KIF16B: variants seen among roughly 807,000 people sequenced by gnomAD.
KIF16B encodes the protein kinesin-like protein KIF16B.
In KIF16B, 98 loss-of-function variants were observed where a neutral mutation model predicts 156.3. The observed-to-expected ratio is 0.63, with a 90% CI of 0.53 to 0.74. KIF16B has a LOEUF of 0.74. KIF16B is among the 30% of genes least tolerant of loss of function. The pLI is 0.00. For synonymous variants in KIF16B, 564 were observed against 583.7 expected (o/e 0.97, Z 0.49); for missense variants, 1,421 against 1,606.5 (o/e 0.88, Z 1.97).
rs1044766193 is a variant in KIF16B at position 16,554,648 on chromosome 20, A to C, written c.47+18581T>G. On this transcript the variant is annotated intron_variant, in intron 1 of 25. Transcript: ENST00000354981. The stretch of plus-strand genomic sequence containing the variant: ...CAGGGCCAAAACATGTCCCTTGCTC[A>C]CCACGTTGCAGGCAACAAAAAGGAG... Among the ~76,000 whole-genome samples the C allele has an allele frequency of 3.3e-5, 5 of 152,214 alleles. No homozygotes were observed. In the East Asian group the frequency reaches 7.7e-4, roughly 23 times the overall value.
chr20:16,549,204 C>A (rs1310782752), intron 1 of KIF16B, among the ~76,000 whole-genome samples: 1 of 142,476 alleles, frequency 7.0e-6, no homozygotes, highest in African/African-American at 2.7e-5. Context: ...CCCTACCCCA[C>A]CACAGTCCCC....
intron 7 of KIF16B, among the ~76,000 whole-genome samples, 198 bp from the exon 8 acceptor site, chr20:16,506,388 T>C (rs1404783466): frequency 1.3e-5 from 2 of 152,252 alleles, no homozygotes; most frequent in Non-Finnish European, 2.9e-5. Flanking sequence ...TTACTGTATA[T>C]GATTCTTAAA....
chr20:16,366,389 G>C (rs950717976), intron 22 of KIF16B, among the ~76,000 whole-genome samples: 1 of 152,192 alleles, frequency 6.6e-6, no homozygotes, highest in Non-Finnish European at 1.5e-5. Flanking sequence ...GAGACTCTGA[G>C]ATAAAGAGAC....
chr20:16,337,424 T>C lies in KIF16B; in HGVS notation c.3622-1409A>G, dbSNP rs137971254. 2.6e-5 allele frequency among the ~76,000 whole-genome samples: 4 copies of C among 152,290 alleles called. No individual in the cohort carries two copies. In the East Asian group the frequency reaches 7.7e-4, roughly 29 times the overall value. On this transcript the variant is annotated intron_variant, in intron 23 of 25. Transcript: ENST00000354981. ...GGCAAATGAGATGATCTAGGGTGTA[T>C]GAGGATGTACATTTTTAAATTTTTC... is the stretch of plus-strand genomic sequence containing the variant.
chr20:16,572,516 G>A (rs575405587), intron 1 of KIF16B, among the ~76,000 whole-genome samples: 48 of 152,156 alleles, frequency 3.2e-4, no homozygotes, highest in Admixed American at 7.9e-4. Context: ...CTTTCTAAAC[G>A]GATTAAAAAG....
At chr20:16,564,955 T>G (rs1345717150) in intron 1 of KIF16B, among the ~76,000 whole-genome samples, 2 of 152,062 alleles carry the variant, frequency 1.3e-5, no homozygotes, top group African/African-American at 4.8e-5. Context: ...GACATTCTAC[T>G]CTCCTGCCTT....
chr20:16,393,450 G>A (rs1449115926), intron 17 of KIF16B, among the ~76,000 whole-genome samples: 1 of 152,220 alleles, frequency 6.6e-6, no homozygotes, highest in African/African-American at 2.4e-5. Flanking sequence ...AGATACGGGA[G>A]TTGCTGGTGA....
At chr20:16,468,800 G>A (rs1371764977) in intron 12 of KIF16B, among the ~76,000 whole-genome samples, 1 of 152,046 alleles carries the variant, frequency 6.6e-6, no homozygotes, top group African/African-American at 2.4e-5. Flanking sequence ...CAGAAAACCA[G>A]TAAAGACATA....
intron 20 of KIF16B, among the ~76,000 whole-genome samples, chr20:16,374,014 T>C (rs1010535570): frequency 6.6e-6 from 1 of 152,234 alleles, no homozygotes; most frequent in South Asian, 2.1e-4. Context: ...AAGGGACAAC[T>C]GTACCTGCAA....
At chr20:16,389,580 G>A (rs1056777304) in intron 17 of KIF16B, among the ~76,000 whole-genome samples, 16 of 152,114 alleles carry the variant, frequency 1.1e-4, no homozygotes, top group African/African-American at 3.9e-4. Context: ...CCATCCCCTA[G>A]GAAACTTCAG....
rs142795067 is a variant in KIF16B at position 16,410,127 on chromosome 20, A to T, written c.1613-3671T>A. Reference sequence around the variant, plus strand: ...TATATGTAGGTACATATATATATGTAGGTACATATATATATGTAGGTACAT... The same window carrying T: ...TATATGTAGGTACATATATATATGTTGGTACATATATATATGTAGGTACAT... On this transcript the variant is annotated intron_variant, in intron 15 of 25. Transcript: ENST00000354981. 6.8e-3 allele frequency among the ~76,000 whole-genome samples: 696 copies of T among 103,022 alleles called. 1 individual carries two copies. The highest frequency in any genetic ancestry group is 0.019 in the East Asian group (35 of 1,858). 67.6% of individuals were successfully genotyped at this position (103,022 alleles called of 152,430 possible).
At chr20:16,499,277 C>T (rs2068547774) in intron 10 of KIF16B, among the ~76,000 whole-genome samples, 1 of 152,174 alleles carries the variant, frequency 6.6e-6, no homozygotes, top group South Asian at 2.1e-4. Context: ...CCAGGAAACC[C>T]AGAGCTATGG....
At chr20:16,377,723 G>A (rs1408762596) in intron 19 of KIF16B, among the ~76,000 whole-genome samples, 1 of 152,156 alleles carries the variant, frequency 6.6e-6, no homozygotes, top group Non-Finnish European at 1.5e-5. Context: ...TCCAAATTGG[G>A]TGATGTTTGC....
At chr20:16,520,054 C>T (rs774582662) in intron 3 of KIF16B, among the ~76,000 whole-genome samples, 3 of 152,116 alleles carry the variant, frequency 2.0e-5, no homozygotes, top group Non-Finnish European at 2.9e-5. Context: ...CGGGTACCTA[C>T]ACCACCAGGG....
intron 24 of KIF16B, among the ~76,000 whole-genome samples, chr20:16,320,077 AC>A (rs888410850): frequency 1.4e-4 from 22 of 152,120 alleles, no homozygotes; most frequent in African/African-American, 5.1e-4. Flanking sequence ...AACAGGGATT[AC>A]AGCTGAAATA....
chr20:16,312,473 G>T (rs2063634181), intron 24 of KIF16B, 55 bp from the exon 25 acceptor site: 1 of 1,251,384 alleles, frequency 8.0e-7, no homozygotes, highest in Non-Finnish European at 1.2e-6. Context: ...TAATTGTTGG[G>T]CTATTATTAA....
intron 12 of KIF16B, among the ~76,000 whole-genome samples, chr20:16,444,451 CT>C (rs2066881218): frequency 1.3e-5 from 2 of 152,004 alleles, no homozygotes; most frequent in South Asian, 4.2e-4. Context: ...GCCCATAAAG[CT>C]TTATTGGAAT....
At chr20:16,569,153 C>T (rs887808680) in intron 1 of KIF16B, among the ~76,000 whole-genome samples, 3 of 152,194 alleles carry the variant, frequency 2.0e-5, no homozygotes, top group African/African-American at 7.2e-5. Context: ...AGCCTATCTG[C>T]TGGCACCTTG....
chr20:16,363,255 T>C (rs78529611), intron 22 of KIF16B, among the ~76,000 whole-genome samples: 4,546 of 152,186 alleles, frequency 0.03, 92 homozygotes, highest in South Asian at 0.052. Context: ...GAAAGAATAG[T>C]GTAACAGTAA....
Sources: allele counts gnomAD v4.1 joint callset (sites outside exome capture counted in the v4.1 genomes callset), GRCh38; gene constraint gnomAD v4.1.1; transcripts MANE v1.5; gene names NCBI Gene and HGNC (gene_info 2026-07-23, HGNC 2026-07-21).